Variants in SLC24A5 observed in about 807,000 individuals in gnomAD.
The protein encoded by SLC24A5 is sodium/potassium/calcium exchanger 5.
Under a neutral mutation model 51.6 loss-of-function variants are expected in SLC24A5, and 46 were observed. The ratio of observed to expected loss-of-function variants is 0.89; its 90% CI spans 0.70 to 1.14. The LOEUF (loss-of-function observed/expected upper bound fraction) is 1.14. Ranked by LOEUF, SLC24A5 falls within the 50% of genes most tolerant of loss-of-function variation. The probability of loss-of-function intolerance (pLI) is 0.00; values close to 1 mark genes in which losing one functional copy is unlikely to be tolerated. For synonymous variants in SLC24A5, 230 were observed against 214.9 expected, an observed-to-expected ratio of 1.07 and a Z score of -0.62; for missense variants, 581 against 604.1, an observed-to-expected ratio of 0.96 and a Z score of 0.40.
At chr15:48,137,156 C>T (rs753326835) in intron 6 of SLC24A5, 193 bp downstream of exon 6, 4 of 557,582 alleles carry the variant, frequency 7.2e-6, no homozygotes, top group Admixed American at 7.3e-5. Context: ...AAAGTATGAA[C>T]GTTAAGTACC....
chr15:48,133,680 T>C (rs2038825353), intron 2 of SLC24A5, among the ~76,000 whole-genome samples: 1 of 152,158 alleles, frequency 6.6e-6, no homozygotes, highest in South Asian at 2.1e-4. Flanking sequence ...TTCTTGTGAC[T>C]ATCAGCCAAA....
intron 6 of SLC24A5, 66 bp from the exon 7 acceptor site, chr15:48,138,903 A>C: frequency 8.4e-7 from 1 of 1,194,334 alleles, no homozygotes; most frequent in Non-Finnish European, 1.2e-6. Context: ...TAACTTTCTA[A>C]ATAGGCATTT....
At position 48,136,789 on chromosome 15, in the gene SLC24A5, G is replaced by A. The variant is rs774586843; in HGVS notation, c.697G>A (p.Ala233Thr). 2.0e-5 allele frequency: 32 copies of A among 1,613,628 alleles called. No individual in the cohort carries two copies. The highest frequency in any genetic ancestry group is 3.3e-5 in the Admixed American group (2 of 59,926). The change falls in exon 6 of 9, where the codon GCC (alanine) becomes ACC (threonine). Residue 233 changes from alanine (A) to threonine (T), a missense_variant. Physicochemically the swap from Ala to Thr is moderately conservative, Grantham distance 58. Coordinates refer to ENST00000341459, the MANE Select transcript of SLC24A5 (RefSeq NM_205850.3). ...YIIKKCSPCCACLAKAMERSE... is the reference protein window; with the variant it reads ...YIIKKCSPCCTCLAKAMERSE... Reference sequence around the variant, plus strand: ...TATAAAGAAATGCAGTCCTTGCTGCGCCTGTCTTGCCAAAGCTATGGAGAG... The same window carrying A: ...TATAAAGAAATGCAGTCCTTGCTGCACCTGTCTTGCCAAAGCTATGGAGAG...
At chr15:48,137,005 G>GTT in intron 6 of SLC24A5, 42 bp downstream of exon 6, 1 of 1,540,460 alleles carries the variant, frequency 6.5e-7, no homozygotes, top group Non-Finnish European at 8.7e-7. Flanking sequence ...TATTCGCAAA[G>GTT]GAAAAACTTT....
chr15:48,142,329 A>G lies in SLC24A5; in HGVS notation c.1481A>G (p.Lys494Arg), dbSNP rs745601816. The change falls in exon 9 of 9, where the codon AAA becomes AGA. Residue 494 changes from lysine (K) to arginine (R), a missense_variant. By Grantham distance (26) the Lys-to-Arg change is conservative. Coordinates refer to ENST00000341459, the MANE Select transcript of SLC24A5 (RefSeq NM_205850.3). ...LYELGIIGNNKIRGCGG is the reference protein window; with the variant it reads ...LYELGIIGNNRIRGCGG The stretch of plus-strand genomic sequence containing the variant: ...GAACTTGGAATTATTGGAAATAATA[A>G]AATAAGGGGCTGTGGAGGTTGATAT... 3 of 1,606,862 alleles carry G rather than the reference A, an allele frequency of 1.9e-6. No homozygotes were observed. The highest frequency in any genetic ancestry group is 2.6e-6 in the Non-Finnish European group (3 of 1,175,792).
intron 2 of SLC24A5, among the ~76,000 whole-genome samples, chr15:48,130,639 T>C (rs1023385588): frequency 6.6e-6 from 1 of 152,186 alleles, no homozygotes; most frequent in South Asian, 2.1e-4. Context: ...TTTCAATTTC[T>C]TCCACCTATT....
Position 48,138,970 on chromosome 15 carries a change from T to TC in SLC24A5, c.875dup (p.Pro293ThrfsTer8). On this transcript the variant is annotated frameshift_variant and splice_region_variant, in exon 7 of 9. Transcript: ENST00000341459. LOFTEE classifies it high-confidence loss of function. ...AAGTGTTTACTTTTTCCACAACAGA[T>TC]CCACCAAGTGTTTTCAACATGCCTG... is the stretch of plus-strand genomic sequence containing the variant. 6.2e-7 allele frequency: 1 copy of TC among 1,609,800 alleles called. No homozygotes were observed. The highest frequency in any genetic ancestry group is 8.5e-7 in the Non-Finnish European group (1 of 1,177,932).
intron 2 of SLC24A5, among the ~76,000 whole-genome samples, chr15:48,125,546 T>C (rs1473166399): frequency 6.6e-6 from 1 of 152,152 alleles, no homozygotes; most frequent in East Asian, 1.9e-4. Flanking sequence ...ACTGTTCTAT[T>C]TGAACCATCT....
intron 4 of SLC24A5, 45 bp from the exon 5 acceptor site, chr15:48,134,839 G>C: frequency 5.1e-6 from 7 of 1,385,046 alleles, no homozygotes; most frequent in Non-Finnish European, 7.1e-6. Flanking sequence ...GATTGTACTT[G>C]AAGAAGTTAC....
chr15:48,140,493 AT>A (rs2039031989), intron 7 of SLC24A5: 1 of 152,184 alleles, frequency 6.6e-6, no homozygotes, highest in African/African-American at 2.4e-5. Context: ...GAATAAATAC[AT>A]TTCTGAAAAA....
chr15:48,135,278 G>A (rs2038869211), intron 5 of SLC24A5: 1 of 245,006 alleles, frequency 4.1e-6, no homozygotes, highest in Admixed American at 4.9e-5. Flanking sequence ...AACTCCTGTT[G>A]TCCATTAAAG....
chr15:48,140,947 A>G (rs2039056946), intron 7 of SLC24A5, 166 bp from the exon 8 acceptor site: 2 of 524,248 alleles, frequency 3.8e-6, no homozygotes, highest in Non-Finnish European at 6.8e-6. Context: ...TACCAGCCTG[A>G]TTCAAATATG....
chr15:48,136,719 G>A lies in SLC24A5; in HGVS notation c.627G>A (p.Leu209=), dbSNP rs756659012. ...CTTTACTGCTTTTGATATATGGATT[G>A]TATGTTTTGGTGCTGTGTTTTGACA... The part of the protein sequence containing the change: ...EGALLLLIYG[L]YVLVLCFDIK... The change falls in exon 6 of 9, where the codon TTG becomes TTA. Residue 209 remains leucine (L), a synonymous_variant. Transcript: ENST00000341459. 6.8e-6 allele frequency: 11 copies of A among 1,613,158 alleles called. No individual in the cohort carries two copies. In the Admixed American group the frequency reaches 1.7e-4, roughly 24 times the overall value.
Position 48,136,665 on chromosome 15 carries a change from C to T in SLC24A5, c.591-18C>T, listed in dbSNP as rs1433163262. 38 of 1,573,020 alleles carry T rather than the reference C, an allele frequency of 2.4e-5. No individual in the cohort carries two copies. The highest frequency in any genetic ancestry group is 3.3e-5 in the Non-Finnish European group (38 of 1,160,754). ...GACTTTCACTTTTAATTTAAAAACA[C>T]AAATTTCTCTTTTGTAGGTATGAAG... On this transcript the variant is annotated intron_variant, in intron 5 of 8. Coordinates refer to ENST00000341459, the MANE Select transcript of SLC24A5 (RefSeq NM_205850.3).
At chr15:48,124,250 T>A (rs1485975064) in intron 2 of SLC24A5, 3 of 152,072 alleles carry the variant, frequency 2.0e-5, no homozygotes, top group Non-Finnish European at 4.4e-5. Flanking sequence ...CAGGATTTTT[T>A]AAAATTTATT....
rs1174232551 is a variant in SLC24A5 at position 48,128,476 on chromosome 15, TCA to T, written c.302-5781_302-5780del. ...ATTTGCTTATGTTCTACTTTACATT[TCA>T]GACATAGGCAATAAGAAAGAAATGC... On this transcript the variant is annotated intron_variant, in intron 2 of 8. Transcript: ENST00000341459. Among the ~76,000 whole-genome samples the T allele has an allele frequency of 2.0e-5, 3 of 152,220 alleles. No individual in the cohort carries two copies. In the East Asian group the frequency reaches 5.8e-4, roughly 29 times the overall value.
At chr15:48,126,102 T>C (rs1304602677) in intron 2 of SLC24A5, among the ~76,000 whole-genome samples, 1 of 152,194 alleles carries the variant, frequency 6.6e-6, no homozygotes, top group Admixed American at 6.5e-5. Flanking sequence ...TGGACCTATG[T>C]ATGTTGGTCT....
At chr15:48,134,199 G>C (rs1362449607) in intron 2 of SLC24A5, 59 bp from the exon 3 acceptor site, 1 of 1,402,148 alleles carries the variant, frequency 7.1e-7, no homozygotes, top group African/African-American at 1.5e-5. Context: ...ATTGTGTTTA[G>C]TTGTAAAGAC....
rs774678039 is a variant in SLC24A5, at chr15:48,134,326, G to C, written c.370G>C (p.Val124Leu). 6.2e-6 allele frequency: 10 copies of C among 1,613,576 alleles called. No homozygotes were observed. Among genetic ancestry groups the C allele is most frequent in the Non-Finnish European group, 8.5e-6 (10 of 1,179,638 alleles). Reference protein sequence around the residue: ...MAAGSSAPELVTAFLGVFITK... With the variant: ...MAAGSSAPELLTAFLGVFITK... ...AGCGGGCAGTTCAGCTCCTGAATTA[G>C]TTACTGCTTTCCTAGGTAAATATTG... Residue 124 changes from valine to leucine, a missense_variant, in exon 3 of 9, where the codon GTT becomes CTT. Physicochemically the swap from Val to Leu is conservative, Grantham distance 32 (BLOSUM62 1). Coordinates refer to ENST00000341459, the MANE Select transcript of SLC24A5 (RefSeq NM_205850.3).
Sources: allele counts gnomAD v4.1 joint callset (sites outside exome capture counted in the v4.1 genomes callset), GRCh38; gene constraint gnomAD v4.1.1; transcripts MANE v1.5; gene names NCBI Gene and HGNC (gene_info 2026-07-23, HGNC 2026-07-21).